The following CLIP2 variants were observed in gnomAD, a reference collection of about 807,000 sequenced individuals.
The protein encoded by CLIP2 is CAP-Gly domain containing linker protein 2.
CLIP2 carries 41 observed loss-of-function variants against 111.7 expected under a neutral mutation model. That is an observed-to-expected ratio of 0.37 (90% CI 0.29 to 0.48). The LOEUF is 0.48. CLIP2 is among the 20% of genes least tolerant of loss of function. The pLI is 0.99. For missense variants in CLIP2, 1,160 were observed against 1,422.1 expected (o/e 0.82, Z 2.96); for synonymous variants, 660 against 644.2 (o/e 1.02, Z -0.37).
chr7:74,345,248 T>C (rs954512052), intron 3 of CLIP2, among the ~76,000 whole-genome samples: 8 of 152,086 alleles, frequency 5.3e-5, no homozygotes. Flanking sequence ...TCTTTAATTT[T>C]TTTTTAGACA....
chr7:74,367,081 T>G (rs1790486568), intron 8 of CLIP2, among the ~76,000 whole-genome samples: 1 of 152,146 alleles, frequency 6.6e-6, no homozygotes, highest in South Asian at 2.1e-4. Context: ...GTCACTGGAT[T>G]TAGGGCCCAC....
chr7:74,307,826 T>C (rs229885), intron 1 of CLIP2, among the ~76,000 whole-genome samples: 3 of 151,528 alleles, frequency 2.0e-5, no homozygotes, highest in East Asian at 1.9e-4. Context: ...TGCTGGGGGG[T>C]GGTTCAGGAG....
At chr7:74,385,621 A>T (rs12154858) in intron 11 of CLIP2, among the ~76,000 whole-genome samples, 128,831 of 151,932 alleles carry the variant, frequency 0.85, 55,148 homozygotes, top group Middle Eastern at 0.96. Context: ...TGAATACACA[A>T]GACCGGTGAC....
rs1020030089 is a variant in CLIP2 at position 74,376,003 on chromosome 7, G to A, written c.1602G>A (p.Pro534=). The A allele has an allele frequency of 5.0e-6, 8 of 1,612,008 alleles. No homozygotes were observed. The highest frequency in any genetic ancestry group is 2.7e-5 in the African/African-American group (2 of 74,902). The part of the protein sequence containing the change: ...QCLLHSGPPP[P]DHPDAAEILR... The stretch of plus-strand genomic sequence containing the variant: ...TGTTGCACTCGGGTCCCCCACCTCC[G>A]GACCACCCAGACGCCGCCGAGATCC... Residue 534 remains proline, a synonymous_variant, in exon 10 of 17, where the codon CCG becomes CCA. Transcript: ENST00000223398. This position sits in a 1 kb window ranked among gnomAD's most constrained non-coding sequence, Gnocchi z 7.1.
chr7:74,316,313 T>C (rs1265323166), intron 1 of CLIP2, among the ~76,000 whole-genome samples: 3 of 151,708 alleles, frequency 2.0e-5, no homozygotes, highest in African/African-American at 7.3e-5. Context: ...GGTGCCGTCA[T>C]AGCTCACTGC....
intron 1 of CLIP2, among the ~76,000 whole-genome samples, chr7:74,302,238 T>C (rs1432531571): frequency 6.6e-6 from 1 of 151,958 alleles, no homozygotes; most frequent in African/African-American, 2.4e-5. Flanking sequence ...TTTTTTGAAA[T>C]AGAGTCTTAC....
In CLIP2 at chr7:74,314,593, T is replaced by A. The variant is rs149039187; in HGVS notation, c.-67-2887T>A. ...CAAGGGCATCTCCTGTATCAGAGAT[T>A]TCCTGTGTTTCCGAGGTCCAGACAT... On this transcript the variant is annotated intron_variant, in intron 1 of 16. Transcript: ENST00000223398. 1.9e-3 allele frequency among the ~76,000 whole-genome samples: 297 copies of A among 152,320 alleles called. 1 individual carries two copies. Among genetic ancestry groups the A allele is most frequent in the African/African-American group, 3.9e-3 (162 of 41,578 alleles).
intron 6 of CLIP2, among the ~76,000 whole-genome samples, chr7:74,359,409 A>T (rs1790251796): frequency 7.1e-6 from 1 of 140,452 alleles, no homozygotes; most frequent in Non-Finnish European, 1.5e-5. Context: ...GCTGGAGTGC[A>T]GTAGTGTGAT....
chr7:74,333,656 A>AT (rs1463039027), intron 2 of CLIP2, among the ~76,000 whole-genome samples: 3 of 149,368 alleles, frequency 2.0e-5, no homozygotes, highest in African/African-American at 5.0e-5. Flanking sequence ...TAATTTTTGT[A>AT]TTTTTTTGTA....
chr7:74,340,593 G>T (rs1404851325), intron 3 of CLIP2, among the ~76,000 whole-genome samples: 8 of 152,142 alleles, frequency 5.3e-5, no homozygotes, highest in Admixed American at 3.9e-4. Flanking sequence ...TTGGAAAGGG[G>T]ACAGTGACCC....
At chr7:74,321,298 C>T (rs1183408095) in intron 2 of CLIP2, among the ~76,000 whole-genome samples, 2 of 152,120 alleles carry the variant, frequency 1.3e-5, no homozygotes, top group African/African-American at 4.8e-5. Context: ...TTCCCCCTTA[C>T]CACTTAACCT....
At chr7:74,299,026 C>A (rs1200762702) in intron 1 of CLIP2, among the ~76,000 whole-genome samples, 1 of 151,176 alleles carries the variant, frequency 6.6e-6, no homozygotes, top group Non-Finnish European at 1.5e-5. Context: ...CTGGAAGCAA[C>A]AAAAGAAAAA....
At chr7:74,398,372 TAAAG>T (rs1554317040) in intron 14 of CLIP2, among the ~76,000 whole-genome samples, 1 of 150,940 alleles carries the variant, frequency 6.6e-6, no homozygotes, top group Non-Finnish European at 1.5e-5. Context: ...AAAAAAAGAA[TAAAG>T]AAACCACCCC....
At chr7:74,305,152 T>TGTCCAGCCCAGGCACTGTACC (rs1554727577) in intron 1 of CLIP2, among the ~76,000 whole-genome samples, 3 of 149,668 alleles carry the variant, frequency 2.0e-5, no homozygotes, top group Admixed American at 2.0e-4. Flanking sequence ...TTACGTTCCC[T>TGTCCAGCCCAGGCACTGTACC]GTCCAGCCCA....
At chr7:74,379,253 C>T (rs919378723) in intron 10 of CLIP2, among the ~76,000 whole-genome samples, 11 of 151,766 alleles carry the variant, frequency 7.2e-5, no homozygotes, top group African/African-American at 1.9e-4. Context: ...TACTTGAACC[C>T]GGGACGTGGA....
At chr7:74,331,565 T>C (rs1435409833) in intron 2 of CLIP2, among the ~76,000 whole-genome samples, 3 of 113,504 alleles carry the variant, frequency 2.6e-5, no homozygotes, top group Non-Finnish European at 3.6e-5. Flanking sequence ...TTTCTTTCTT[T>C]TTTTTTTTTT....
chr7:74,301,508 G>A (rs229894), intron 1 of CLIP2, among the ~76,000 whole-genome samples: 88,383 of 148,614 alleles, frequency 0.59, 28,956 homozygotes, highest in Non-Finnish European at 0.75. Context: ...TCAGCCTCCC[G>A]AGTAGCTGGG....
chr7:74,290,832 A>G (rs1339000202), intron 1 of CLIP2, among the ~76,000 whole-genome samples: 1 of 152,082 alleles, frequency 6.6e-6, no homozygotes, highest in African/African-American at 2.4e-5. Flanking sequence ...TGGCACTTCT[A>G]GGGGCTGGCT....
rs1554316787 is a variant in CLIP2 at position 74,397,132 on chromosome 7, G to A, written c.2779G>A (p.Glu927Lys). The change falls in exon 14 of 17, where the codon GAG becomes AAG. Residue 927 changes from glutamate (E) to lysine (K), a missense_variant. This residue lies in a region of CLIP2 where 676 missense variants were observed against 777.8 expected (regional missense o/e 0.87). Coordinates refer to ENST00000223398, the MANE Select transcript of CLIP2 (RefSeq NM_003388.5). ...LEANRHSPGP[E>K]RDLSREVHKA... Reference sequence around the variant, plus strand: ...GGCCAATCGTCACTCCCCAGGGCCGGAGAGGGACCTGAGCCGTGAGGTACA... The same window carrying A: ...GGCCAATCGTCACTCCCCAGGGCCGAAGAGGGACCTGAGCCGTGAGGTACA... The A allele has an allele frequency of 6.2e-7, 1 of 1,613,938 alleles. No homozygotes were observed. Among genetic ancestry groups the A allele is most frequent in the South Asian group, 1.1e-5 (1 of 91,074 alleles).
Sources: gnomAD v4.1 joint callset for allele counts (sites outside exome capture counted in the v4.1 genomes callset) on GRCh38, gnomAD v4.1.1 for gene constraint, gnomAD v4.1.1 regional missense constraint, Gnocchi (gnomAD v3.1) non-coding constraint, MANE v1.5 for transcripts, NCBI Gene and HGNC (gene_info 2026-07-23, HGNC 2026-07-21) for gene names.